The following CTNNA2 variants were observed in gnomAD, a reference collection of about 807,000 sequenced individuals.
The protein encoded by CTNNA2 is catenin alpha-2.
CTNNA2 carries 42 observed loss-of-function variants against 101.0 expected under a neutral mutation model. That is an observed-to-expected ratio of 0.42 (90% CI 0.32 to 0.54). The LOEUF is 0.54. Among genes scored for constraint, CTNNA2 ranks in the 20% least tolerant of loss-of-function variants. The pLI is 0.14. For synonymous variants in CTNNA2, 450 were observed against 456.4 expected, an observed-to-expected ratio of 0.99 and a Z score of 0.18; for missense variants, 871 against 1,223.1, an observed-to-expected ratio of 0.71 and a Z score of 4.29.
intron 1 of CTNNA2, among the ~76,000 whole-genome samples, chr2:79,627,456 C>G (rs376190604): frequency 6.6e-5 from 10 of 152,176 alleles, no homozygotes; most frequent in Admixed American, 5.9e-4. Flanking sequence ...GCTGCCTCCC[C>G]CTCATAGCAG....
chr2:79,930,281 AGAGAGAGAGAAAG>A (rs1687314680), intron 7 of CTNNA2, among the ~76,000 whole-genome samples: 8 of 90,904 alleles, frequency 8.8e-5, no homozygotes, highest in African/African-American at 2.3e-4. Context: ...AAAGAAAGAG[AGAGAGAGAGAAAG>A]AGAAAGAAAG....
At chr2:79,693,449 A>G (rs755067944) in intron 2 of CTNNA2, among the ~76,000 whole-genome samples, 3 of 151,948 alleles carry the variant, frequency 2.0e-5, no homozygotes, top group Admixed American at 2.0e-4. Flanking sequence ...TTTTCTGTTC[A>G]TTCTTTCATC....
intron 3 of CTNNA2, among the ~76,000 whole-genome samples, chr2:79,320,200 T>A (rs1366528917): frequency 6.6e-6 from 1 of 151,340 alleles, no homozygotes; most frequent in East Asian, 1.9e-4. Flanking sequence ...TTTTTGCCCA[T>A]CTCAAGCATC....
intron 4 of CTNNA2, among the ~76,000 whole-genome samples, chr2:79,452,709 A>G (rs1427280497): frequency 6.6e-6 from 1 of 152,036 alleles, no homozygotes; most frequent in Non-Finnish European, 1.5e-5. Flanking sequence ...TTGCTAAATA[A>G]TATAGAGCTT....
At chr2:79,524,457 A>T (rs1672289552) in intron 1 of CTNNA2, among the ~76,000 whole-genome samples, 1 of 151,550 alleles carries the variant, frequency 6.6e-6, no homozygotes, top group Non-Finnish European at 1.5e-5. Context: ...GGTCCAAAAA[A>T]ACGTGCCCTT....
At chr2:80,584,682 G>A (rs1163736095) in intron 14 of CTNNA2, among the ~76,000 whole-genome samples, 2 of 151,976 alleles carry the variant, frequency 1.3e-5, no homozygotes, top group Non-Finnish European at 2.9e-5. Context: ...TGTGACTTTG[G>A]GGCAACTTTC....
intron 9 of CTNNA2, among the ~76,000 whole-genome samples, chr2:80,422,024 A>G (rs1289064807): frequency 6.6e-6 from 1 of 152,202 alleles, no homozygotes; most frequent in African/African-American, 2.4e-5. Context: ...GTACATAGTC[A>G]TGTGCCTGCA....
intron 7 of CTNNA2, among the ~76,000 whole-genome samples, chr2:80,334,140 G>A (rs1204966415): frequency 1.3e-5 from 2 of 152,144 alleles, no homozygotes; most frequent in African/African-American, 4.8e-5. Context: ...TGTCAGTTTA[G>A]CTCCATTTCT....
intron 7 of CTNNA2, among the ~76,000 whole-genome samples, chr2:80,038,814 A>C (rs1415095045): frequency 6.6e-6 from 1 of 152,186 alleles, no homozygotes; most frequent in Non-Finnish European, 1.5e-5. Flanking sequence ...GTGCCACTGC[A>C]CTCCAGCCTG....
intron 2 of CTNNA2, among the ~76,000 whole-genome samples, chr2:79,680,595 T>C (rs994753740): frequency 3.9e-5 from 6 of 152,196 alleles, no homozygotes; most frequent in African/African-American, 1.4e-4. Context: ...TCTTGAATTT[T>C]TGTAGTACCA....
At chr2:80,553,479 A>G (rs1692765104) in intron 11 of CTNNA2, among the ~76,000 whole-genome samples, 1 of 152,160 alleles carries the variant, frequency 6.6e-6, no homozygotes, top group Admixed American at 6.5e-5. Context: ...TATTAAAAAT[A>G]CGTTTTCATT....
intron 2 of CTNNA2, among the ~76,000 whole-genome samples, chr2:79,224,038 C>T (rs949432373): frequency 3.3e-5 from 5 of 152,120 alleles, no homozygotes; most frequent in African/African-American, 7.2e-5. Context: ...AGCATTCTTC[C>T]GTTGTACATT....
At chr2:80,436,864 C>T (rs533271411) in intron 9 of CTNNA2, among the ~76,000 whole-genome samples, 1 of 152,288 alleles carries the variant, frequency 6.6e-6, no homozygotes, top group South Asian at 2.1e-4. Flanking sequence ...AATACCTCCA[C>T]TTTGAGGATT....
chr2:80,498,375 A>G (rs904277927), intron 9 of CTNNA2, among the ~76,000 whole-genome samples: 10 of 152,324 alleles, frequency 6.6e-5, no homozygotes, highest in African/African-American at 1.7e-4. Context: ...ATTGTTTCAC[A>G]CTTCTTTTAT....
intron 7 of CTNNA2, among the ~76,000 whole-genome samples, chr2:80,147,497 T>C (rs1365389963): frequency 6.6e-6 from 1 of 152,120 alleles, no homozygotes; most frequent in Non-Finnish European, 1.5e-5. Flanking sequence ...GCACCAAGAT[T>C]AGAAGAAAAC....
At chr2:79,763,837 T>C (rs752163701) in intron 3 of CTNNA2, among the ~76,000 whole-genome samples, 5 of 152,232 alleles carry the variant, frequency 3.3e-5, no homozygotes, top group South Asian at 2.1e-4. Context: ...GACTAGGACA[T>C]AGATTTTCAG....
At chr2:80,285,844 A>C (rs1263030264) in intron 7 of CTNNA2, among the ~76,000 whole-genome samples, 1 of 152,224 alleles carries the variant, frequency 6.6e-6, no homozygotes, top group Non-Finnish European at 1.5e-5. Context: ...CTTGTATGAT[A>C]ATAGTCACTG....
intron 3 of CTNNA2, among the ~76,000 whole-genome samples, chr2:79,356,067 T>C (rs1677502277): frequency 6.6e-6 from 1 of 151,436 alleles, no homozygotes; most frequent in Non-Finnish European, 1.5e-5. Context: ...AGCGTATATA[T>C]ATAAATATAA....
chr2:79,607,361 C>T (rs1677961631), intron 1 of CTNNA2, among the ~76,000 whole-genome samples: 1 of 152,046 alleles, frequency 6.6e-6, no homozygotes. Context: ...AGAAAATCAG[C>T]GGGGACATAG....
Sources: allele counts gnomAD v4.1 joint callset (sites outside exome capture counted in the v4.1 genomes callset), GRCh38; gene constraint gnomAD v4.1.1; transcripts MANE v1.5; gene names NCBI Gene and HGNC (gene_info 2026-07-23, HGNC 2026-07-21).